The following CSNK1G2 variants were observed in gnomAD, a reference collection of about 807,000 sequenced individuals.
The protein encoded by CSNK1G2 is casein kinase I isoform gamma-2.
CSNK1G2 carries 11 observed loss-of-function variants against 48.0 expected under a neutral mutation model. That is an observed-to-expected ratio of 0.23 (90% confidence interval 0.14 to 0.38). CSNK1G2 has a LOEUF of 0.38. Ranked by LOEUF, CSNK1G2 falls within the 10% of genes least tolerant of loss-of-function variation. The probability of loss-of-function intolerance (pLI) is 1.00; values close to 1 mark genes in which losing one functional copy is unlikely to be tolerated. For synonymous variants in CSNK1G2, 337 were observed against 254.1 expected (o/e 1.33, Z -3.10); for missense variants, 446 against 595.5 (o/e 0.75, Z 2.61).
At chr19:1,961,851 G>A (rs1034289465) in intron 1 of CSNK1G2, among the ~76,000 whole-genome samples, 2 of 152,206 alleles carry the variant, frequency 1.3e-5, no homozygotes, top group Non-Finnish European at 2.9e-5. Flanking sequence ...TCCGCTGGCC[G>A]CTAAGCAGGG....
At chr19:1,955,639 T>C (rs946092603) in intron 1 of CSNK1G2, among the ~76,000 whole-genome samples, 1 of 151,952 alleles carries the variant, frequency 6.6e-6, no homozygotes, top group Admixed American at 6.5e-5. Flanking sequence ...CTCCCTCTGC[T>C]GTCCGCCCAC....
intron 1 of CSNK1G2, among the ~76,000 whole-genome samples, chr19:1,943,856 C>T (rs986818828): frequency 5.9e-5 from 9 of 152,192 alleles, no homozygotes; most frequent in African/African-American, 1.9e-4. Context: ...GCTCATGGTC[C>T]GTCAAGGCCT....
chr19:1,978,403 G>GCGACC lies in CSNK1G2; in HGVS notation c.229-36_229-32dup. 1 of 1,612,090 alleles carries GCGACC rather than the reference G, an allele frequency of 6.2e-7. No individual in the cohort carries two copies. The highest frequency in any genetic ancestry group is 8.5e-7 in the Non-Finnish European group (1 of 1,179,390). ...CGTGCCCCCCAGGGATTTCAGGGCA[G>GCGACC]CGACCCGGTCCCCTGGTGACTCGCT... On this transcript the variant is annotated intron_variant, in intron 3 of 11. Coordinates refer to ENST00000255641, the MANE Select transcript of CSNK1G2 (RefSeq NM_001319.7). This position sits in a 1 kb window ranked among gnomAD's most constrained non-coding sequence, Gnocchi z 7.3.
At position 1,978,706 on chromosome 19, in the gene CSNK1G2, C is replaced by G. The variant is rs761629089; in HGVS notation, c.403C>G (p.Arg135Gly). The change falls in exon 5 of 12, where the codon CGG becomes GGG. Residue 135 changes from arginine (R) to glycine (G), a missense_variant. Arg to Gly is a moderately radical substitution (Grantham distance 125). Transcript: ENST00000255641. This position sits in a 1 kb window ranked among gnomAD's most constrained non-coding sequence, Gnocchi z 7.3. ...SLEDLFDLCD[R>G]TFTLKTVLMI... ...GGAGGACCTGTTCGACCTGTGCGAC[C>G]GGACCTTCACGCTCAAGACGGTGCT... 3 of 1,591,414 alleles carry G rather than the reference C, an allele frequency of 1.9e-6. No homozygotes were observed. Among genetic ancestry groups the G allele is most frequent in the Non-Finnish European group, 2.6e-6 (3 of 1,168,458 alleles).
chr19:1,969,029 G>A (rs1268995516), intron 1 of CSNK1G2: 2 of 152,698 alleles, frequency 1.3e-5, no homozygotes, highest in African/African-American at 2.4e-5. Context: ...TGGCTCCTGT[G>A]TCCCTGCCTC....
intron 1 of CSNK1G2, among the ~76,000 whole-genome samples, chr19:1,961,887 T>G (rs554445128): frequency 6.6e-6 from 1 of 152,234 alleles, no homozygotes; most frequent in East Asian, 1.9e-4. Flanking sequence ...TGCCATCCCT[T>G]CTTCAACCAC....
intron 2 of CSNK1G2, among the ~76,000 whole-genome samples, chr19:1,976,741 CT>C (rs34862138): frequency 0.5 from 71,714 of 144,084 alleles, 19,252 homozygotes; most frequent in African/African-American, 0.74. Context: ...TTCTTGCTTT[CT>C]TTTTTTTTTT....
chr19:1,947,660 G>T (rs1420349195), intron 1 of CSNK1G2, among the ~76,000 whole-genome samples: 2 of 152,200 alleles, frequency 1.3e-5, no homozygotes, highest in African/African-American at 4.8e-5. Context: ...ATCCAGCTGG[G>T]CCCTGGCCAC....
intron 1 of CSNK1G2, among the ~76,000 whole-genome samples, chr19:1,948,895 T>C (rs574795985): frequency 6.6e-6 from 1 of 152,328 alleles, no homozygotes; most frequent in African/African-American, 2.4e-5. Context: ...TGAGGGAAGC[T>C]GGAGACCAGA....
chr19:1,970,059 C>G, intron 2 of CSNK1G2, 100 bp downstream of exon 2: 1 of 1,026,370 alleles, frequency 9.7e-7, no homozygotes, highest in Non-Finnish European at 1.3e-6. Context: ...TCACTGGAGC[C>G]TCTGGCGGGG....
In CSNK1G2 at chr19:1,979,583, C is replaced by T. The variant is rs1237021267; in HGVS notation, c.942C>T (p.Asp314=). 4 of 1,607,996 alleles carry T rather than the reference C, an allele frequency of 2.5e-6. No homozygotes were observed. The highest frequency in any genetic ancestry group is 2.2e-5 in the South Asian group (2 of 91,078). The change falls in exon 9 of 12, where the codon GAC becomes GAT. Residue 314 remains aspartate, a synonymous_variant. Coordinates refer to ENST00000255641, the MANE Select transcript of CSNK1G2 (RefSeq NM_001319.7). ...ACTACCTGCGGAAGCTCTTCACCGACCTCTTCGACCGCAGTGGCTTCGTGT... is the reference window on the plus strand; with the variant it reads ...ACTACCTGCGGAAGCTCTTCACCGATCTCTTCGACCGCAGTGGCTTCGTGT... ...DYDYLRKLFT[D]LFDRSGFVFD... is the part of the protein sequence containing the mutation.
intron 1 of CSNK1G2, among the ~76,000 whole-genome samples, chr19:1,961,819 G>A (rs2015208595): frequency 6.6e-6 from 1 of 152,238 alleles, no homozygotes; most frequent in African/African-American, 2.4e-5. Context: ...TGGGCAGTAA[G>A]GAGAGTCGGT....
intron 1 of CSNK1G2, among the ~76,000 whole-genome samples, chr19:1,945,821 CAAAA>C (rs71174398): frequency 7.9e-5 from 9 of 113,212 alleles, no homozygotes; most frequent in Admixed American, 2.6e-4. Flanking sequence ...GACTCCGTCT[CAAAA>C]AAAAAAAAAA....
At chr19:1,944,335 C>A (rs930086306) in intron 1 of CSNK1G2, among the ~76,000 whole-genome samples, 2 of 152,092 alleles carry the variant, frequency 1.3e-5, no homozygotes, top group Non-Finnish European at 2.9e-5. Flanking sequence ...GGAGGCTCCG[C>A]GTCTGCTTCT....
chr19:1,971,877 C>T (rs1357156601), intron 2 of CSNK1G2, among the ~76,000 whole-genome samples: 2 of 149,860 alleles, frequency 1.3e-5, no homozygotes, highest in African/African-American at 4.9e-5. Flanking sequence ...TCACGCCATT[C>T]TCCTGCCTCA....
chr19:1,969,661 A>C lies in CSNK1G2; in HGVS notation c.-112A>C, dbSNP rs1028013941. 6.0e-6 allele frequency: 6 copies of C among 995,626 alleles called. No homozygotes were observed. The highest frequency in any genetic ancestry group is 1.7e-5 in the African/African-American group (1 of 59,208). The allele number at this position is 995,626 out of a possible 1,614,324, so 61.7% of individuals were successfully genotyped here. A position where few individuals can be genotyped will look rare whatever the true frequency, so the allele number is the denominator to read the frequency against. On this transcript the variant is annotated 5_prime_UTR_variant, in exon 2 of 12. Transcript: ENST00000255641. ...GGGAGCCACGGGCCCACGCCCGCCCACCGGCCGCAGTGATGTTCTAGCCAC... is the reference window on the plus strand; with the variant it reads ...GGGAGCCACGGGCCCACGCCCGCCCCCCGGCCGCAGTGATGTTCTAGCCAC...
chr19:1,960,888 C>T (rs2015175927), intron 1 of CSNK1G2, among the ~76,000 whole-genome samples: 1 of 152,152 alleles, frequency 6.6e-6, no homozygotes. Context: ...GACTCTGTCT[C>T]AAAACAAAAC....
chr19:1,960,837 C>G (rs1224974054), intron 1 of CSNK1G2, among the ~76,000 whole-genome samples: 1 of 152,108 alleles, frequency 6.6e-6, no homozygotes, highest in Admixed American at 6.5e-5. Context: ...TGCGGTGAGC[C>G]GAGATCGCAC....
At position 1,978,399 on chromosome 19, in the gene CSNK1G2, G is replaced by A; in HGVS notation, c.229-43G>A. 6.2e-7 allele frequency: 1 copy of A among 1,612,244 alleles called. No homozygotes were observed. Among genetic ancestry groups the A allele is most frequent in the Non-Finnish European group, 8.5e-7 (1 of 1,179,434 alleles). ...CTGACGTGCCCCCCAGGGATTTCAGGGCAGCGACCCGGTCCCCTGGTGACT... is the reference window on the plus strand; with the variant it reads ...CTGACGTGCCCCCCAGGGATTTCAGAGCAGCGACCCGGTCCCCTGGTGACT... On this transcript the variant is annotated intron_variant, in intron 3 of 11. Coordinates refer to ENST00000255641, the MANE Select transcript of CSNK1G2 (RefSeq NM_001319.7). The surrounding 1 kb of genome is among the most constrained non-coding windows in gnomAD (Gnocchi z 7.3).
Sources: allele counts gnomAD v4.1 joint callset (sites outside exome capture counted in the v4.1 genomes callset), GRCh38; gene constraint gnomAD v4.1.1; non-coding constraint Gnocchi (gnomAD v3.1); transcripts MANE v1.5; gene names NCBI Gene and HGNC (gene_info 2026-07-23, HGNC 2026-07-21).